Variants in TMEM132C observed in about 807,000 individuals in gnomAD.
The protein encoded by TMEM132C is transmembrane protein 132C, also known as protein phosphatase 1, regulatory subunit 152.
In TMEM132C, 29 loss-of-function variants were observed where a neutral mutation model predicts 61.4. The observed-to-expected ratio is 0.47, with a 90% confidence interval of 0.35 to 0.64. The LOEUF (loss-of-function observed/expected upper bound fraction) is 0.64. Among genes scored for constraint, TMEM132C ranks in the 30% least tolerant of loss-of-function variants. The probability of loss-of-function intolerance (pLI) is 0.00; values close to 1 mark genes in which losing one functional copy is unlikely to be tolerated. For synonymous variants in TMEM132C, 656 were observed against 633.1 expected (o/e 1.04, Z -0.54); for missense variants, 1,408 against 1,476.9 (o/e 0.95, Z 0.76).
chr12:128,324,039 A>G (rs1178256219), intron 1 of TMEM132C, among the ~76,000 whole-genome samples: 2 of 152,196 alleles, frequency 1.3e-5, no homozygotes, highest in Non-Finnish European at 1.5e-5. Context: ...AGTAAAGAGC[A>G]TTTCCCCAGA....
intron 1 of TMEM132C, chr12:128,289,137 C>T (rs1391755633): frequency 7.0e-6 from 1 of 143,006 alleles, no homozygotes; most frequent in Non-Finnish European, 1.5e-5. Flanking sequence ...CTAACACACA[C>T]TGTAATGCAT....
intron 1 of TMEM132C, among the ~76,000 whole-genome samples, chr12:128,303,961 T>C (rs947265450): frequency 6.6e-6 from 1 of 152,104 alleles, no homozygotes; most frequent in African/African-American, 2.4e-5. Context: ...GTGAAGGCCA[T>C]TCTTGACCAA....
chr12:128,326,797 T>C lies in TMEM132C; in HGVS notation c.85+59310T>C, dbSNP rs564222590. Among the ~76,000 whole-genome samples, 3 of 134,362 alleles carry C rather than the reference T, an allele frequency of 2.2e-5. No homozygotes were observed. Among genetic ancestry groups the C allele is most frequent in the Middle Eastern group, 3.8e-3 (1 of 266 alleles). 88.1% of individuals were successfully genotyped at this position (134,362 alleles called of 152,430 possible). A position where few individuals can be genotyped will look rare whatever the true frequency, so the allele number is the denominator to read the frequency against. ...ACATCTCGTTACCGACTTCACAATA[T>C]TTTTTTTTTCTTTCTTAACAACGTA... On this transcript the variant is annotated intron_variant, in intron 1 of 8. Transcript: ENST00000435159. The surrounding 1 kb of genome is among the most constrained non-coding windows in gnomAD (Gnocchi z 5.6).
Position 128,278,245 on chromosome 12 carries a change from T to A in TMEM132C, c.85+10758T>A, listed in dbSNP as rs2135896433. Among the ~76,000 whole-genome samples the A allele has an allele frequency of 6.6e-6, 1 of 152,312 alleles. No homozygotes were observed. The highest frequency in any genetic ancestry group is 1.9e-4 in the East Asian group (1 of 5,164). ...TGTTCCCTCTTTCCTGCCTCCTAAA[T>A]GGCAATAGGTTCTTATCTTCAATTT... On this transcript the variant is annotated intron_variant, in intron 1 of 8. Transcript: ENST00000435159. This position sits in a 1 kb window ranked among gnomAD's most constrained non-coding sequence, Gnocchi z 4.2.
chr12:128,582,611 C>T (rs578250015), intron 3 of TMEM132C, among the ~76,000 whole-genome samples: 1 of 152,206 alleles, frequency 6.6e-6, no homozygotes, highest in South Asian at 2.1e-4. Context: ...ATAAGTCTCA[C>T]AAGATCTGAT....
chr12:128,677,624 A>G (rs1414058260), intron 5 of TMEM132C, among the ~76,000 whole-genome samples: 1 of 152,142 alleles, frequency 6.6e-6, no homozygotes, highest in Non-Finnish European at 1.5e-5. Context: ...ACACTGACAC[A>G]CAATACCCCA....
At chr12:128,303,441 A>G (rs1045772796) in intron 1 of TMEM132C, among the ~76,000 whole-genome samples, 5 of 152,146 alleles carry the variant, frequency 3.3e-5, no homozygotes, top group Non-Finnish European at 7.3e-5. Flanking sequence ...TTTATTCGTG[A>G]TGAGGGAACA....
In TMEM132C at chr12:128,286,950, C is replaced by A. The variant is rs79349254; in HGVS notation, c.85+19463C>A. Among the ~76,000 whole-genome samples the A allele has an allele frequency of 3.3e-5, 5 of 152,270 alleles. No homozygotes were observed. In the East Asian group the frequency reaches 9.6e-4, roughly 29 times the overall value. On this transcript the variant is annotated intron_variant, in intron 1 of 8. Coordinates refer to ENST00000435159, the MANE Select transcript of TMEM132C (RefSeq NM_001136103.3). ...GGTCAAGAGAATAAGAGAAAGAAGA[C>A]GAAGAAAAACTATGTTATCTCTGCC...
chr12:128,348,081 C>T (rs1164421576), intron 1 of TMEM132C, among the ~76,000 whole-genome samples: 1 of 152,194 alleles, frequency 6.6e-6, no homozygotes, highest in East Asian at 1.9e-4. Flanking sequence ...CATGGGATGT[C>T]TTTCTCATTC....
At chr12:128,428,137 G>C (rs774448419) in intron 2 of TMEM132C, among the ~76,000 whole-genome samples, 2 of 152,292 alleles carry the variant, frequency 1.3e-5, no homozygotes, top group South Asian at 4.1e-4. Context: ...TCAACAACCC[G>C]TTCTACAGAT....
intron 1 of TMEM132C, among the ~76,000 whole-genome samples, chr12:128,312,027 TC>T (rs1258831909): frequency 2.0e-5 from 3 of 152,096 alleles, no homozygotes; most frequent in Non-Finnish European, 4.4e-5. Context: ...CGGGGCTGAC[TC>T]GGTTTGCAAA....
At chr12:128,639,286 AATGGTGATGATGATG>A (rs957616138) in intron 4 of TMEM132C, among the ~76,000 whole-genome samples, 2 of 147,942 alleles carry the variant, frequency 1.4e-5, no homozygotes, top group African/African-American at 5.0e-5. Flanking sequence ...TGATAATGAC[AATGGTGATGATGATG>A]ATGGTGATGA....
intron 1 of TMEM132C, among the ~76,000 whole-genome samples, chr12:128,305,394 T>TA (rs1285858956): frequency 6.6e-6 from 1 of 152,154 alleles, no homozygotes; most frequent in Non-Finnish European, 1.5e-5. Context: ...TCTTGGCAGT[T>TA]ACTCTGTTTC....
intron 1 of TMEM132C, among the ~76,000 whole-genome samples, chr12:128,368,708 T>C (rs775072967): frequency 3.9e-5 from 6 of 152,224 alleles, no homozygotes; most frequent in Non-Finnish European, 5.9e-5. Flanking sequence ...AGGTATGAAA[T>C]ACAGAGCATG....
chr12:128,555,909 G>A (rs1420309573), intron 3 of TMEM132C, among the ~76,000 whole-genome samples: 2 of 151,952 alleles, frequency 1.3e-5, no homozygotes, highest in Admixed American at 6.6e-5. Flanking sequence ...GTGGAAAAAG[G>A]GTCTCATTGT....
At chr12:128,554,490 G>T (rs1185985764) in intron 3 of TMEM132C, among the ~76,000 whole-genome samples, 1 of 152,170 alleles carries the variant, frequency 6.6e-6, no homozygotes, top group African/African-American at 2.4e-5. Flanking sequence ...TAAAATCCCT[G>T]TGCAAATCAA....
At chr12:128,639,898 T>C (rs897094843) in intron 4 of TMEM132C, among the ~76,000 whole-genome samples, 1 of 152,248 alleles carries the variant, frequency 6.6e-6, no homozygotes, top group South Asian at 2.1e-4. Flanking sequence ...AAGTGAAGAC[T>C]GTTACATGGA....
chr12:128,406,179 G>A (rs963787626), intron 1 of TMEM132C, among the ~76,000 whole-genome samples: 2 of 152,160 alleles, frequency 1.3e-5, no homozygotes, highest in Non-Finnish European at 2.9e-5. Flanking sequence ...CCTACCACAC[G>A]TGAGAAGTTC....
intron 3 of TMEM132C, among the ~76,000 whole-genome samples, chr12:128,555,946 G>A (rs556778411): frequency 1.3e-5 from 2 of 152,164 alleles, no homozygotes; most frequent in South Asian, 2.1e-4. Flanking sequence ...TCAAACTCTT[G>A]GGCTCAGTGA....
Sources: allele counts gnomAD v4.1 joint callset (sites outside exome capture counted in the v4.1 genomes callset), GRCh38; gene constraint gnomAD v4.1.1; non-coding constraint Gnocchi (gnomAD v3.1); transcripts MANE v1.5; gene names NCBI Gene and HGNC (gene_info 2026-07-23, HGNC 2026-07-21).